The following CRLS1 variants were observed in gnomAD, a reference collection of about 807,000 sequenced individuals.
CRLS1 encodes the protein cardiolipin synthase (CMP-forming).
CRLS1 carries 24 observed loss-of-function variants against 37.0 expected under a neutral mutation model. The ratio of observed to expected loss-of-function variants is 0.65; its 90% CI spans 0.47 to 0.91. The LOEUF (loss-of-function observed/expected upper bound fraction) is 0.91, where lower values mean the gene tolerates loss of function less well. CRLS1 is among the 40% of genes least tolerant of loss of function. The probability of loss-of-function intolerance (pLI) is 0.00; values close to 1 mark genes in which losing one functional copy is unlikely to be tolerated. For missense variants in CRLS1, 373 were observed against 395.8 expected (o/e 0.94, Z 0.49); for synonymous variants, 135 against 159.7 (o/e 0.85, Z 1.17).
chr20:6,007,210 T>G, intron 1 of CRLS1: 3 of 1,443,258 alleles, frequency 2.1e-6, no homozygotes, highest in Non-Finnish European at 2.7e-6. Context: ...TTATTACATC[T>G]TCAATTGTTA....
chr20:6,016,975 T>TA (rs373251515), intron 3 of CRLS1, among the ~76,000 whole-genome samples: 160 of 151,984 alleles, frequency 1.1e-3, no homozygotes, highest in African/African-American at 3.7e-3. Context: ...CACTTTTTTT[T>TA]ATCTTTTATC....
rs1466728644 is a variant in CRLS1, at chr20:6,038,327, A to G, written c.*1169A>G. On this transcript the variant is annotated 3_prime_UTR_variant, in exon 7 of 7. Transcript: ENST00000378863. ...TTGTCCCTGGTTTTAATCCAAGCCT[A>G]TTATGGAATACTGCAGTGAGATTAT... The G allele has an allele frequency of 6.6e-6, 1 of 152,240 alleles. No homozygotes were observed. Among genetic ancestry groups the G allele is most frequent in the Non-Finnish European group, 1.5e-5 (1 of 68,068 alleles). The allele number at this position is 152,240 out of a possible 1,614,324, so 9.4% of individuals were successfully genotyped here. A position where few individuals can be genotyped will look rare whatever the true frequency, so the allele number is the denominator to read the frequency against.
chr20:6,027,070 A>G (rs796219901), intron 3 of CRLS1, among the ~76,000 whole-genome samples: 59 of 146,670 alleles, frequency 4.0e-4, no homozygotes, highest in African/African-American at 1.5e-3. Context: ...ACTTATAGAC[A>G]CTGGAAATTG....
Position 6,009,915 on chromosome 20 carries a change from A to T in CRLS1, c.444+3A>T. The T allele has an allele frequency of 6.2e-7, 1 of 1,613,370 alleles. No individual in the cohort carries two copies. The highest frequency in any genetic ancestry group is 8.5e-7 in the Non-Finnish European group (1 of 1,179,620). On this transcript the variant is annotated splice_donor_region_variant and intron_variant, in intron 2 of 6. Transcript: ENST00000378863. ...CTTTAGCTGGACTAACAGATTTGGT[A>T]AGTTGTAAATGCACTCCCAGTTTGC... is the stretch of plus-strand genomic sequence containing the variant.
chr20:6,025,785 G>A (rs1039158417), intron 3 of CRLS1, among the ~76,000 whole-genome samples: 10 of 152,212 alleles, frequency 6.6e-5, no homozygotes, highest in Non-Finnish European at 1.3e-4. Context: ...GATTTGAGGG[G>A]TTCAAGACTA....
At chr20:6,019,296 G>A (rs1213109005) in intron 3 of CRLS1, among the ~76,000 whole-genome samples, 2 of 151,626 alleles carry the variant, frequency 1.3e-5, no homozygotes, top group African/African-American at 2.4e-5. Flanking sequence ...TTTAAGTTGT[G>A]ATGTTTTTCT....
At chr20:6,007,385 G>A in intron 1 of CRLS1, 1 of 1,613,552 alleles carries the variant, frequency 6.2e-7, no homozygotes, top group East Asian at 2.2e-5. Context: ...TCCCAGAACG[G>A]CAGTAGTTGG....
At chr20:6,012,722 TGGG>T (rs1978424129) in intron 2 of CRLS1, among the ~76,000 whole-genome samples, 1 of 152,118 alleles carries the variant, frequency 6.6e-6, no homozygotes, top group Admixed American at 6.5e-5. Flanking sequence ...GAGAGAAATT[TGGG>T]AGCTGTCAGA....
In CRLS1 at chr20:6,006,476, C is replaced by A; in HGVS notation, c.230C>A (p.Pro77His). 7.2e-7 allele frequency: 1 copy of A among 1,390,330 alleles called. No homozygotes were observed. Among genetic ancestry groups the A allele is most frequent in the Non-Finnish European group, 9.3e-7 (1 of 1,075,954 alleles). 86.1% of individuals were successfully genotyped at this position (1,390,330 alleles called of 1,614,324 possible). Residue 77 changes from proline to histidine, a missense_variant, in exon 1 of 7, where the codon CCC becomes CAC. Physicochemically the swap from Pro to His is moderately conservative, Grantham distance 77. Coordinates refer to ENST00000378863, the MANE Select transcript of CRLS1 (RefSeq NM_019095.6). ...TGTTCGGGCGCGGGGAAGGCGGCTC[C>A]CAGGCCAGCGGCCGGAGCGGGCGCC... ...NHCSGAGKAA[P>H]RPAAGAGAAA...
intron 1 of CRLS1, 73 bp downstream of exon 1, chr20:6,006,625 C>T (rs1600340442): frequency 2.4e-6 from 3 of 1,227,288 alleles, no homozygotes; most frequent in Non-Finnish European, 3.0e-6. Context: ...GTAACAAGCT[C>T]TGGGTGGTGC....
At chr20:6,017,033 C>A (rs935445513) in intron 3 of CRLS1, among the ~76,000 whole-genome samples, 1 of 151,904 alleles carries the variant, frequency 6.6e-6, no homozygotes, top group African/African-American at 2.4e-5. Context: ...ACTCTGTGAC[C>A]CAGGCTGGAG....
At chr20:6,009,176 A>T (rs2090098654) in intron 1 of CRLS1, among the ~76,000 whole-genome samples, 1 of 152,122 alleles carries the variant, frequency 6.6e-6, no homozygotes, top group Non-Finnish European at 1.5e-5. Context: ...TACAAAAATT[A>T]GCTGGGCATG....
intron 3 of CRLS1, among the ~76,000 whole-genome samples, chr20:6,030,718 C>CA (rs796724709): frequency 0.019 from 2,665 of 141,296 alleles, 78 homozygotes; most frequent in African/African-American, 0.063. Context: ...GGCTCTGTCT[C>CA]AAAAAAAAAA....
intron 5 of CRLS1, among the ~76,000 whole-genome samples, chr20:6,033,296 A>AT (rs930755846): frequency 3.7e-4 from 54 of 147,452 alleles, no homozygotes; most frequent in African/African-American, 8.7e-4. Context: ...CGCCCAGCTA[A>AT]TTTTTTTTTT....
intron 2 of CRLS1, 138 bp from the exon 3 acceptor site, chr20:6,015,223 T>TG (rs1205038400): frequency 1.2e-5 from 6 of 488,894 alleles, no homozygotes; most frequent in Non-Finnish European, 2.1e-5. Context: ...TGAGAATGTT[T>TG]GGGGGTAAGA....
intron 1 of CRLS1, among the ~76,000 whole-genome samples, chr20:6,007,095 AGG>A: frequency 6.6e-6 from 1 of 152,340 alleles, no homozygotes; most frequent in East Asian, 1.9e-4. Flanking sequence ...GAGGTAACGG[AGG>A]GAAGTATTTG....
chr20:6,008,344 CTTG>C (rs1210557069), intron 1 of CRLS1, among the ~76,000 whole-genome samples: 2 of 152,126 alleles, frequency 1.3e-5, no homozygotes, highest in African/African-American at 2.4e-5. Flanking sequence ...AAGGCGTTTT[CTTG>C]TTGTTATTTC....
rs1289907229 is a variant in CRLS1, at chr20:6,038,973, A to G, written c.*1815A>G. Reference sequence around the variant, plus strand: ...AACACATCAATTCTGCCAGTTTATAAAACACTGGAATTGTATTAGACATGT... The same window carrying G: ...AACACATCAATTCTGCCAGTTTATAGAACACTGGAATTGTATTAGACATGT... On this transcript the variant is annotated 3_prime_UTR_variant, in exon 7 of 7. Transcript: ENST00000378863. 6.6e-6 allele frequency: 1 copy of G among 152,238 alleles called. No homozygotes were observed. Among genetic ancestry groups the G allele is most frequent in the Non-Finnish European group, 1.5e-5 (1 of 68,042 alleles). The allele number at this position is 152,238 out of a possible 1,614,324, so 9.4% of individuals were successfully genotyped here. A position where few individuals can be genotyped will look rare whatever the true frequency, so the allele number is the denominator to read the frequency against.
Position 6,006,235 on chromosome 20 carries a change from G to C in CRLS1, c.-12G>C, listed in dbSNP as rs1419557292. The C allele has an allele frequency of 4.8e-5, 59 of 1,220,618 alleles. No homozygotes were observed. The highest frequency in any genetic ancestry group is 5.7e-5 in the Non-Finnish European group (56 of 980,548). 75.6% of individuals were successfully genotyped at this position (1,220,618 alleles called of 1,614,324 possible). On this transcript the variant is annotated 5_prime_UTR_variant, in exon 1 of 7. Transcript: ENST00000378863. ...CTCGCCGCCCGAGACCCCGCGGCGC[G>C]GCCGCAGGGCCATGCTAGCCTTGCG...
Sources: allele counts gnomAD v4.1 joint callset (sites outside exome capture counted in the v4.1 genomes callset), GRCh38; gene constraint gnomAD v4.1.1; transcripts MANE v1.5; gene names NCBI Gene and HGNC (gene_info 2026-07-23, HGNC 2026-07-21).